The following L3MBTL1 variants were observed in gnomAD, a reference collection of about 807,000 sequenced individuals.
L3MBTL1 encodes the protein L3MBTL histone methyl-lysine binding protein 1, also known as lethal(3)malignant brain tumor-like protein 1.
In L3MBTL1, 75 loss-of-function variants were observed where a neutral mutation model predicts 105.3. The ratio of observed to expected loss-of-function variants is 0.71; its 90% CI spans 0.59 to 0.86. L3MBTL1 has a LOEUF of 0.86. Ranked by LOEUF, L3MBTL1 falls within the 40% of genes least tolerant of loss-of-function variation. The pLI is 0.00. For synonymous variants in L3MBTL1, 452 were observed against 436.2 expected (o/e 1.04, Z -0.45); for missense variants, 1,069 against 1,126.4 (o/e 0.95, Z 0.73).
At position 43,522,092 on chromosome 20, in the gene L3MBTL1, C is replaced by T. The variant is rs150277704; in HGVS notation, c.862+5915C>T. ...CAGAAAGAGGCCAGGTGCAGTGGCT[C>T]ACGCCTATAATCCCTGCACTTTGGG... On this transcript the variant is annotated intron_variant, in intron 7 of 21. Coordinates refer to ENST00000418998, the MANE Select transcript of L3MBTL1 (RefSeq NM_001377303.1). 2.3e-3 allele frequency among the ~76,000 whole-genome samples: 349 copies of T among 152,322 alleles called. 5 individuals carry two copies. The highest frequency in any genetic ancestry group is 0.022 in the East Asian group (115 of 5,192).
At chr20:43,535,697 G>A (rs1289877514) in intron 16 of L3MBTL1, 140 bp from the exon 17 acceptor site, 2 of 598,736 alleles carry the variant, frequency 3.3e-6, no homozygotes, top group Non-Finnish European at 5.9e-6. Context: ...ACACAGAATG[G>A]TGTCACAGCC....
intron 13 of L3MBTL1, among the ~76,000 whole-genome samples, chr20:43,533,725 T>C (rs1165033992): frequency 2.0e-5 from 3 of 152,072 alleles, no homozygotes; most frequent in African/African-American, 7.2e-5. Flanking sequence ...TTGGCCCAAA[T>C]ACAGTAGAGA....
Position 43,515,890 on chromosome 20 carries a change from G to A in L3MBTL1, c.778-203G>A, listed in dbSNP as rs2018361824. On this transcript the variant is annotated intron_variant, in intron 6 of 21. Transcript: ENST00000418998. ...TGTAGTCAGGCTGTTTAATTAGGATGTGCATGCTCATGTGAGTCTGTGCTC... is the reference window on the plus strand; with the variant it reads ...TGTAGTCAGGCTGTTTAATTAGGATATGCATGCTCATGTGAGTCTGTGCTC... 15 of 568,594 alleles carry A rather than the reference G, an allele frequency of 2.6e-5. No individual in the cohort carries two copies. In the South Asian group the frequency reaches 3.1e-4, roughly 12 times the overall value. 35.2% of individuals were successfully genotyped at this position (568,594 alleles called of 1,614,324 possible). A position where few individuals can be genotyped will look rare whatever the true frequency, so the allele number is the denominator to read the frequency against.
In L3MBTL1 at chr20:43,536,474, C is replaced by G. The variant is rs371522300; in HGVS notation, c.2173+16C>G. 49 of 1,613,512 alleles carry G rather than the reference C, an allele frequency of 3.0e-5. No individual in the cohort carries two copies. In the African/African-American group the frequency reaches 5.9e-4, roughly 19 times the overall value. Reference sequence around the variant, plus strand: ...GATTTCCAGAGTAAGTCTGGGTTATCTGCTCCTATGTCCTCCACCACAGAG... The same window carrying G: ...GATTTCCAGAGTAAGTCTGGGTTATGTGCTCCTATGTCCTCCACCACAGAG... On this transcript the variant is annotated intron_variant, in intron 19 of 21. Transcript: ENST00000418998.
Position 43,514,733 on chromosome 20 carries a change from C to T in L3MBTL1, c.459C>T (p.Gly153=). 1.9e-6 allele frequency: 3 copies of T among 1,572,330 alleles called. No individual in the cohort carries two copies. The highest frequency in any genetic ancestry group is 1.7e-4 in the Middle Eastern group (1 of 5,956). The stretch of plus-strand genomic sequence containing the variant: ...AAGGCGTGACCGAATACGAAGATGG[C>T]GGGGCCCCGGCGGGAGATGGCGAGG... The part of the protein sequence containing the change: ...RQEGVTEYED[G]GAPAGDGEAG... Residue 153 remains glycine, a synonymous_variant, in exon 4 of 22, where the codon GGC becomes GGT. Transcript: ENST00000418998.
At chr20:43,537,208 G>A (rs898855587) in intron 19 of L3MBTL1, among the ~76,000 whole-genome samples, 21 of 152,202 alleles carry the variant, frequency 1.4e-4, no homozygotes, top group African/African-American at 4.6e-4. Flanking sequence ...TTGCACTAGC[G>A]TGCTTGCTGC....
intron 7 of L3MBTL1, among the ~76,000 whole-genome samples, chr20:43,519,880 T>C (rs904917243): frequency 2.0e-5 from 3 of 152,192 alleles, no homozygotes; most frequent in East Asian, 1.9e-4. Flanking sequence ...TTTTTAATGA[T>C]TAGTGCTTTT....
chr20:43,545,551 A>G (rs913615919), downstream of L3MBTL1, among the ~76,000 whole-genome samples: 1 of 152,138 alleles, frequency 6.6e-6, no homozygotes, highest in Non-Finnish European at 1.5e-5. Context: ...GGCAAGCAGT[A>G]TCTCCAGTGC....
chr20:43,515,800 CG>C, intron 6 of L3MBTL1: 1 of 463,136 alleles, frequency 2.2e-6, no homozygotes, highest in Non-Finnish European at 4.0e-6. Context: ...TTCTACTGGG[CG>C]TGTAAGAGCA....
intron 18 of L3MBTL1, chr20:43,548,041 T>G: frequency 1.6e-5 from 9 of 564,166 alleles, no homozygotes; most frequent in African/African-American, 2.6e-5. Context: ...CACCCCTCCC[T>G]TTCCTTCACC....
At chr20:43,537,522 T>C (rs1410752984) in intron 19 of L3MBTL1, among the ~76,000 whole-genome samples, 1 of 152,212 alleles carries the variant, frequency 6.6e-6, no homozygotes, top group African/African-American at 2.4e-5. Context: ...AGGCCCTTTT[T>C]CCAAATGCAG....
intron 19 of L3MBTL1, among the ~76,000 whole-genome samples, chr20:43,538,444 C>A (rs879785371): frequency 2.6e-5 from 4 of 152,234 alleles, no homozygotes; most frequent in African/African-American, 4.8e-5. Flanking sequence ...TTCCACAGGG[C>A]ACCCCTGCTC....
At position 43,536,239 on chromosome 20, in the gene L3MBTL1, C is replaced by T. The variant is rs375735175; in HGVS notation, c.2068C>T (p.Arg690Cys). ...GCTGTCTGACTCGGAGGCCTCAGCC[C>T]GCAAGAAGAACCTCTCAGGCTTCTC... ...AELSDSEASARKKNLSGFSPR... is the reference protein window; with the variant it reads ...AELSDSEASACKKNLSGFSPR... Residue 690 changes from arginine (R) to cysteine (C), a missense_variant, in exon 18 of 22, where the codon CGC becomes TGC. Arg to Cys is a radical substitution (Grantham distance 180, BLOSUM62 -3). Coordinates refer to ENST00000418998, the MANE Select transcript of L3MBTL1 (RefSeq NM_001377303.1). 130 of 1,612,344 alleles carry T rather than the reference C, an allele frequency of 8.1e-5. 2 individuals carry two copies. The South Asian group carries it at 8.9e-4, about 11-fold the overall frequency.
chr20:43,543,227 T>G (rs1197818598), downstream of L3MBTL1, among the ~76,000 whole-genome samples: 1 of 152,332 alleles, frequency 6.6e-6, no homozygotes, highest in African/African-American at 2.4e-5. Context: ...AATAAGGCTT[T>G]CCAACCTCAT....
At chr20:43,548,182 C>G (rs762861243) in exon 19 of L3MBTL1, 1 of 1,304,380 alleles carries the variant, frequency 7.7e-7, no homozygotes, top group Non-Finnish European at 1.0e-6. Context: ...TCAAGCTGGG[C>G]CCAGCCTTGA....
At chr20:43,539,483 G>A (rs2019796335) in intron 19 of L3MBTL1, 1 of 162,718 alleles carries the variant, frequency 6.1e-6, no homozygotes, top group South Asian at 1.7e-4. Context: ...TAGGAGGTTG[G>A]GGCCAGTGAT....
rs3746528 is a variant in L3MBTL1, at chr20:43,536,082, T to C, written c.1926-15T>C. On this transcript the variant is annotated splice_polypyrimidine_tract_variant and intron_variant, in intron 17 of 21. Coordinates refer to ENST00000418998, the MANE Select transcript of L3MBTL1 (RefSeq NM_001377303.1). ...ACCAGTGGATTAAACCCAACTGAAG[T>C]CTCTTCTTCCCCAGGAAGTGCCCCA... The C allele has an allele frequency of 0.1, 167,675 of 1,611,730 alleles. 10,337 individuals carry two copies. Among genetic ancestry groups the C allele is most frequent in the Admixed American group, 0.23 (13,531 of 59,874 alleles).
chr20:43,524,810 A>G (rs1000128782), intron 7 of L3MBTL1, among the ~76,000 whole-genome samples: 2 of 152,206 alleles, frequency 1.3e-5, no homozygotes, highest in South Asian at 2.1e-4. Context: ...GCTCAGGGGC[A>G]TGGAAATGCA....
chr20:43,531,062 A>G, intron 11 of L3MBTL1, 173 bp downstream of exon 11: 1 of 602,776 alleles, frequency 1.7e-6, no homozygotes, highest in South Asian at 2.1e-5. Flanking sequence ...AGGGCCAGAG[A>G]TGGGAAGCTG....
Sources: gnomAD v4.1 joint callset for allele counts (sites outside exome capture counted in the v4.1 genomes callset) on GRCh38, gnomAD v4.1.1 for gene constraint, MANE v1.5 for transcripts, NCBI Gene and HGNC (gene_info 2026-07-23, HGNC 2026-07-21) for gene names.